The following KIF25 variants were observed in gnomAD, a reference collection of about 807,000 sequenced individuals.
The protein encoded by KIF25 is kinesin-like protein KIF25.
Under a neutral mutation model 32.9 loss-of-function variants are expected in KIF25, and 19 were observed. The observed-to-expected ratio is 0.58, with a 90% CI of 0.40 to 0.85. KIF25 has a LOEUF of 0.85. Among genes scored for constraint, KIF25 ranks in the 40% least tolerant of loss-of-function variants. The probability of loss-of-function intolerance (pLI) is 0.00; values close to 1 mark genes in which losing one functional copy is unlikely to be tolerated. For synonymous variants in KIF25, 225 were observed against 213.7 expected (o/e 1.05, Z -0.46); for missense variants, 485 against 507.0 (o/e 0.96, Z 0.42).
At position 168,042,644 on chromosome 6, in the gene KIF25, G is replaced by A; in HGVS notation, c.913G>A (p.Ala305Thr). 2 of 1,613,852 alleles carry A rather than the reference G, an allele frequency of 1.2e-6. No homozygotes were observed. Among genetic ancestry groups the A allele is most frequent in the South Asian group, 2.2e-5 (2 of 91,070 alleles). The change falls in exon 12 of 13, where the codon GCT becomes ACT. Residue 305 changes from alanine (A) to threonine (T), a missense_variant. This residue lies in a region of KIF25 where 480 missense variants were observed against 470.3 expected (regional missense o/e 1.02). Transcript: ENST00000643607. Reference protein sequence around the residue: ...SLAALAGVLGALLEHRGHAPY... With the variant: ...SLAALAGVLGTLLEHRGHAPY... The stretch of plus-strand genomic sequence containing the variant: ...TGCGGCCCTGGCAGGCGTCCTGGGG[G>A]CTTTGTTGGAGCACCGTGGCCATGC...
intron 7 of KIF25, among the ~76,000 whole-genome samples, chr6:168,031,304 AT>A (rs143126644): frequency 0.055 from 8,302 of 152,024 alleles, 475 homozygotes; most frequent in African/African-American, 0.13. Context: ...GGAATGAAGA[AT>A]TTTTTTTTAC....
chr6:168,012,394 A>G (rs1219398007), intron 4 of KIF25, among the ~76,000 whole-genome samples: 2 of 152,130 alleles, frequency 1.3e-5, no homozygotes, highest in Non-Finnish European at 2.9e-5. Flanking sequence ...TAGTCTCCAT[A>G]TTGTTCCTTT....
chr6:168,016,434 C>A (rs193146196), intron 4 of KIF25, among the ~76,000 whole-genome samples: 4 of 152,222 alleles, frequency 2.6e-5, no homozygotes, highest in African/African-American at 7.2e-5. Flanking sequence ...GACCACGGAC[C>A]GCCCCAGCCA....
At chr6:168,042,524 G>C in intron 11 of KIF25, 37 bp from the exon 12 acceptor site, 1 of 1,582,590 alleles carries the variant, frequency 6.3e-7, no homozygotes, top group Non-Finnish European at 8.6e-7. Context: ...CTCCTTTCTT[G>C]GTGCAAACGG....
chr6:168,009,725 CTT>C (rs1405558384), intron 4 of KIF25, among the ~76,000 whole-genome samples: 2 of 151,996 alleles, frequency 1.3e-5, no homozygotes, highest in Non-Finnish European at 2.9e-5. Context: ...CATTAGAAGA[CTT>C]TATTACTGAC....
chr6:168,033,681 TGTC>T (rs1380044343), intron 7 of KIF25, among the ~76,000 whole-genome samples, 198 bp from the exon 8 acceptor site: 1 of 152,152 alleles, frequency 6.6e-6, no homozygotes, highest in African/African-American at 2.4e-5. Context: ...TTTAATCCAA[TGTC>T]GTACAACAAG....
At chr6:168,006,785 G>T (rs1038067553) in intron 4 of KIF25, among the ~76,000 whole-genome samples, 53 of 145,092 alleles carry the variant, frequency 3.7e-4, no homozygotes, top group African/African-American at 1.3e-3. Context: ...GTTCTACAAG[G>T]CCCGTCACCT....
At position 168,030,846 on chromosome 6, in the gene KIF25, G is replaced by C; in HGVS notation, c.166G>C (p.Gly56Arg). Residue 56 changes from glycine (G) to arginine (R), a missense_variant and splice_region_variant, in exon 7 of 13, where the codon GGG becomes CGG. Around this residue, in one of 2 missense-constraint regions of KIF25, gnomAD observed 480 missense variants for 470.3 expected, o/e 1.02. Coordinates refer to ENST00000643607, the MANE Select transcript of KIF25 (RefSeq NM_030615.4). ...CCCCCTACTCACTTCTCTCTTGGAT[G>C]GGTGAGTTAAAATATTTTTAAGGCC... is the stretch of plus-strand genomic sequence containing the variant. ...VCPLLTSLLD[G>R]YNVCVMAYGQ... The C allele has an allele frequency of 1.2e-6, 2 of 1,609,276 alleles. No individual in the cohort carries two copies. Among genetic ancestry groups the C allele is most frequent in the Non-Finnish European group, 1.7e-6 (2 of 1,176,498 alleles).
intron 8 of KIF25, among the ~76,000 whole-genome samples, chr6:168,035,461 C>CGGGGGGGGGGCGGGAACGGCGCTGCG (rs200000338): frequency 1.4e-5 from 1 of 68,986 alleles, no homozygotes; most frequent in African/African-American, 7.7e-5. Flanking sequence ...AACGGCGCTG[C>CGGGGGGGGGGCGGGAACGGCGCTGCG]GGGGGGGGCG....
intron 12 of KIF25, among the ~76,000 whole-genome samples, chr6:168,044,149 T>C (rs1474220830): frequency 1.3e-5 from 2 of 152,062 alleles, no homozygotes; most frequent in African/African-American, 4.8e-5. Context: ...AGTGACCGGC[T>C]GCTGACCCTC....
intron 7 of KIF25, 75 bp from the exon 8 acceptor site, chr6:168,033,807 C>G: frequency 6.7e-7 from 1 of 1,496,626 alleles, no homozygotes; most frequent in Non-Finnish European, 9.2e-7. Flanking sequence ...GTTTCTCATA[C>G]AAGTGAAAAT....
intron 8 of KIF25, among the ~76,000 whole-genome samples, 164 bp from the exon 9 acceptor site, chr6:168,038,389 C>G (rs570020030): frequency 9.8e-5 from 15 of 152,292 alleles, no homozygotes; most frequent in Admixed American, 9.8e-4. Context: ...AAATGGCACA[C>G]CCTATTTCCC....
chr6:168,003,404 A>G (rs1169769599), intron 3 of KIF25, among the ~76,000 whole-genome samples: 1 of 152,214 alleles, frequency 6.6e-6, no homozygotes, highest in East Asian at 1.9e-4. Flanking sequence ...GCACACAGGA[A>G]GAGGAGGAAG....
chr6:168,003,875 G>T (rs951679984), intron 4 of KIF25, among the ~76,000 whole-genome samples, 172 bp downstream of exon 4: 9 of 152,156 alleles, frequency 5.9e-5, no homozygotes, highest in Non-Finnish European at 1.2e-4. Flanking sequence ...TGGGAAACCA[G>T]CTCCTGACCC....
chr6:168,020,834 G>A (rs1798778433), intron 5 of KIF25, among the ~76,000 whole-genome samples: 1 of 152,026 alleles, frequency 6.6e-6, no homozygotes, highest in African/African-American at 2.4e-5. Context: ...GGAAAGGGAT[G>A]GAAAAGATAT....
intron 4 of KIF25, among the ~76,000 whole-genome samples, chr6:168,006,772 G>GTCT (rs56942069): frequency 6.6e-6 from 1 of 152,066 alleles, no homozygotes; most frequent in Non-Finnish European, 1.5e-5. Flanking sequence ...ATTACCATAT[G>GTCT]CGGTTCTACA....
intron 5 of KIF25, among the ~76,000 whole-genome samples, chr6:168,026,534 C>T (rs768296872): frequency 6.6e-6 from 1 of 151,962 alleles, no homozygotes; most frequent in Non-Finnish European, 1.5e-5. Context: ...TTTATAACAG[C>T]TTTTTATGGA....
chr6:168,018,822 C>T (rs1289007758), intron 5 of KIF25, among the ~76,000 whole-genome samples: 3 of 152,204 alleles, frequency 2.0e-5, no homozygotes, highest in Non-Finnish European at 2.9e-5. Context: ...TTCCTCTCCC[C>T]GGCAGCAGCC....
At chr6:168,028,648 G>C (rs1798898392) in intron 5 of KIF25, among the ~76,000 whole-genome samples, 1 of 151,252 alleles carries the variant, frequency 6.6e-6, no homozygotes, top group Admixed American at 6.6e-5. Context: ...ATAGTATTTT[G>C]GGGGGGATTG....
Sources: allele counts gnomAD v4.1 joint callset (sites outside exome capture counted in the v4.1 genomes callset), GRCh38; gene constraint gnomAD v4.1.1; regional missense constraint gnomAD v4.1.1; transcripts MANE v1.5; gene names NCBI Gene and HGNC (gene_info 2026-07-23, HGNC 2026-07-21).